LYPD6B: variants seen among roughly 807,000 people sequenced by gnomAD.
The protein encoded by LYPD6B is LY6/PLAUR domain containing 6B.
LYPD6B carries 17 observed loss-of-function variants against 22.8 expected under a neutral mutation model. The observed-to-expected ratio is 0.75, with a 90% confidence interval of 0.51 to 1.12. The LOEUF (loss-of-function observed/expected upper bound fraction) is 1.12. Ranked by LOEUF, LYPD6B falls within the 50% of genes most tolerant of loss-of-function variation. The probability of loss-of-function intolerance (pLI) is 0.00; values close to 1 mark genes in which losing one functional copy is unlikely to be tolerated. For synonymous variants in LYPD6B, 106 were observed against 91.6 expected (o/e 1.16, Z -0.90); for missense variants, 221 against 258.3 (o/e 0.86, Z 0.99).
chr2:149,081,853 G>A lies in LYPD6B; in HGVS notation c.-67+43052G>A, dbSNP rs115124206. Reference sequence around the variant, plus strand: ...CTAGAGTATGTACTTTTTAGTGTCTGACTTCTTTAGGTCAACATTATATGA... The same window carrying A: ...CTAGAGTATGTACTTTTTAGTGTCTAACTTCTTTAGGTCAACATTATATGA... On this transcript the variant is annotated intron_variant, in intron 1 of 6. Coordinates refer to ENST00000409642, the MANE Select transcript of LYPD6B (RefSeq NM_177964.5). 3.5e-3 allele frequency among the ~76,000 whole-genome samples: 533 copies of A among 152,190 alleles called. 6 individuals carry two copies. The highest frequency in any genetic ancestry group is 0.012 in the African/African-American group (514 of 41,512).
chr2:149,074,111 T>C (rs1684771299), intron 1 of LYPD6B, among the ~76,000 whole-genome samples: 1 of 152,104 alleles, frequency 6.6e-6, no homozygotes. Context: ...CCAAGTTACG[T>C]AAAGAAGGTG....
At chr2:149,051,128 A>T (rs952686709) in intron 1 of LYPD6B, among the ~76,000 whole-genome samples, 3 of 151,682 alleles carry the variant, frequency 2.0e-5, no homozygotes, top group African/African-American at 7.3e-5. Flanking sequence ...ATTTATCAAC[A>T]TTTTCTATGT....
At chr2:149,165,807 T>G (rs1226450919) in intron 3 of LYPD6B, among the ~76,000 whole-genome samples, 2 of 152,180 alleles carry the variant, frequency 1.3e-5, no homozygotes, top group African/African-American at 4.8e-5. Flanking sequence ...GGAAATTACA[T>G]CTTTCTGACT....
At chr2:149,090,033 A>G (rs1292186510) in intron 1 of LYPD6B, among the ~76,000 whole-genome samples, 1 of 152,096 alleles carries the variant, frequency 6.6e-6, no homozygotes, top group Non-Finnish European at 1.5e-5. Flanking sequence ...GAGACAACCT[A>G]TTCTGGGAAC....
intron 3 of LYPD6B, among the ~76,000 whole-genome samples, chr2:149,175,392 G>A (rs1003037496): frequency 6.6e-6 from 1 of 152,152 alleles, no homozygotes; most frequent in Non-Finnish European, 1.5e-5. Flanking sequence ...CCTGTATAGG[G>A]CATTTACCAT....
chr2:149,128,786 C>T (rs1575022935), intron 1 of LYPD6B, among the ~76,000 whole-genome samples: 1 of 152,192 alleles, frequency 6.6e-6, no homozygotes, highest in South Asian at 2.1e-4. Context: ...TGTTATGCAT[C>T]TGTTCATTGC....
chr2:149,177,698 A>G (rs562475460), intron 3 of LYPD6B, among the ~76,000 whole-genome samples: 1 of 152,254 alleles, frequency 6.6e-6, no homozygotes, highest in African/African-American at 2.4e-5. Flanking sequence ...CCTTCCATGC[A>G]ATGAGCAACT....
intron 1 of LYPD6B, among the ~76,000 whole-genome samples, chr2:149,098,413 T>C (rs1686005437): frequency 6.6e-6 from 1 of 151,924 alleles, no homozygotes; most frequent in South Asian, 2.1e-4. Context: ...TAAACTGAGG[T>C]CAGGAGTTCA....
At chr2:149,181,876 A>G (rs1023841477) in intron 3 of LYPD6B, among the ~76,000 whole-genome samples, 1 of 152,148 alleles carries the variant, frequency 6.6e-6, no homozygotes, top group Non-Finnish European at 1.5e-5. Context: ...TTCACCCTCC[A>G]AATTCTTCTT....
chr2:149,089,766 G>A (rs1291585496), intron 1 of LYPD6B, among the ~76,000 whole-genome samples: 1 of 152,162 alleles, frequency 6.6e-6, no homozygotes, highest in Non-Finnish European at 1.5e-5. Flanking sequence ...TGTTCATCCT[G>A]TAGCTGTAAG....
chr2:149,090,918 C>A (rs1203520595), intron 1 of LYPD6B, among the ~76,000 whole-genome samples: 1 of 152,192 alleles, frequency 6.6e-6, no homozygotes, highest in East Asian at 1.9e-4. Flanking sequence ...GATTCACATG[C>A]ACACTTTTCC....
chr2:149,074,744 G>T (rs958881169), intron 1 of LYPD6B, among the ~76,000 whole-genome samples: 6 of 152,232 alleles, frequency 3.9e-5, no homozygotes, highest in African/African-American at 1.4e-4. Context: ...CCTGGGAAAA[G>T]GATTAATTTG....
At chr2:149,115,472 C>T (rs905986369) in intron 1 of LYPD6B, among the ~76,000 whole-genome samples, 2 of 152,136 alleles carry the variant, frequency 1.3e-5, no homozygotes, top group African/African-American at 4.8e-5. Context: ...GGGAAGATTC[C>T]TCTTCCTGAT....
At chr2:149,163,713 G>A (rs1690241263) in intron 3 of LYPD6B, among the ~76,000 whole-genome samples, 1 of 152,068 alleles carries the variant, frequency 6.6e-6, no homozygotes, top group African/African-American at 2.4e-5. Context: ...TTCCCCCTGT[G>A]TCCTGGAGTG....
chr2:149,087,768 A>G (rs1685466072), intron 1 of LYPD6B, among the ~76,000 whole-genome samples: 1 of 152,152 alleles, frequency 6.6e-6, no homozygotes, highest in African/African-American at 2.4e-5. Flanking sequence ...ATCAAATGCA[A>G]TGCTCTAAAA....
chr2:149,151,579 C>T (rs1344254680), intron 2 of LYPD6B, among the ~76,000 whole-genome samples: 2 of 152,178 alleles, frequency 1.3e-5, no homozygotes, highest in East Asian at 3.9e-4. Flanking sequence ...ACCTAAGATT[C>T]ACCGCTGCCT....
intron 2 of LYPD6B, among the ~76,000 whole-genome samples, chr2:149,131,979 A>T (rs958908091): frequency 2.6e-5 from 4 of 152,046 alleles, no homozygotes; most frequent in African/African-American, 9.7e-5. Context: ...TGCTTTATTT[A>T]TGGAGAAACT....
intron 4 of LYPD6B, among the ~76,000 whole-genome samples, chr2:149,207,131 G>T (rs1477832044): frequency 6.6e-6 from 1 of 152,092 alleles, no homozygotes. Context: ...TAACTGTACT[G>T]ATTTAATTGG....
At chr2:149,206,068 TA>T (rs1338602251) in intron 4 of LYPD6B, 1 of 461,908 alleles carries the variant, frequency 2.2e-6, no homozygotes, top group Non-Finnish European at 4.5e-6. Context: ...TTCTTATAAA[TA>T]AAAAATTATT....
Sources: gnomAD v4.1 joint callset for allele counts (sites outside exome capture counted in the v4.1 genomes callset) on GRCh38, gnomAD v4.1.1 for gene constraint, MANE v1.5 for transcripts, NCBI Gene and HGNC (gene_info 2026-07-23, HGNC 2026-07-21) for gene names.